SVOPL: variants seen among roughly 807,000 people sequenced by gnomAD.
SVOPL encodes putative transporter SVOPL.
In SVOPL, 60 loss-of-function variants were observed where a neutral mutation model predicts 61.0. The observed-to-expected ratio is 0.98, with a 90% confidence interval of 0.80 to 1.22. The LOEUF is 1.22. Ranked by LOEUF, SVOPL falls within the 50% of genes most tolerant of loss-of-function variation. SVOPL has a pLI of 0.00. For missense variants in SVOPL, 662 were observed against 643.9 expected (o/e 1.03, Z -0.30); for synonymous variants, 279 against 250.0 (o/e 1.12, Z -1.09).
In SVOPL at chr7:138,676,999, A is replaced by G. The variant is rs545803695; in HGVS notation, c.174+1435T>C. Among the ~76,000 whole-genome samples the G allele has an allele frequency of 8.5e-5, 12 of 140,792 alleles. No homozygotes were observed. In the South Asian group the frequency reaches 8.9e-4, roughly 10 times the overall value. The allele number at this position is 140,792 out of a possible 152,430, so 92.4% of individuals were successfully genotyped here. A position where few individuals can be genotyped will look rare whatever the true frequency, so the allele number is the denominator to read the frequency against. ...GCTCACTGCAACCTCCACCTCCCGG[A>G]TTCACGCCATTCTCCTGCCTCAGCC... is the stretch of plus-strand genomic sequence containing the variant. On this transcript the variant is annotated intron_variant, in intron 3 of 15. Transcript: ENST00000674285.
In SVOPL at chr7:138,662,873, G is replaced by C. The variant is rs997833643; in HGVS notation, c.345+201C>G. On this transcript the variant is annotated intron_variant, in intron 5 of 15. Coordinates refer to ENST00000674285, the MANE Select transcript of SVOPL (RefSeq NM_001139456.2). ...CCTTTTACTCCACACCTGGACTGCA[G>C]AGGAACAGCTGCAGGCACAGGTACC... The C allele has an allele frequency of 2.8e-6, 4 of 1,426,868 alleles. No homozygotes were observed. The Admixed American group carries it at 1.1e-4, about 41-fold the overall frequency. The allele number at this position is 1,426,868 out of a possible 1,614,324, so 88.4% of individuals were successfully genotyped here. A position where few individuals can be genotyped will look rare whatever the true frequency, so the allele number is the denominator to read the frequency against.
intron 13 of SVOPL, among the ~76,000 whole-genome samples, chr7:138,622,216 A>G (rs1584793758): frequency 6.4e-5 from 7 of 110,184 alleles, no homozygotes; most frequent in South Asian, 3.5e-4. Context: ...CTATCTATCT[A>G]TCTATGTATC....
At chr7:138,649,330 C>G (rs974991927) in intron 7 of SVOPL, among the ~76,000 whole-genome samples, 193 bp from the exon 8 acceptor site, 2 of 152,140 alleles carry the variant, frequency 1.3e-5, no homozygotes, top group Admixed American at 6.6e-5. Context: ...GGTCCACTCT[C>G]TCACCCAGGC....
chr7:138,668,563 G>T (rs1263246849), intron 4 of SVOPL, among the ~76,000 whole-genome samples: 1 of 152,100 alleles, frequency 6.6e-6, no homozygotes, highest in Non-Finnish European at 1.5e-5. Flanking sequence ...CATACAACTG[G>T]AATCCAAACT....
At chr7:138,700,452 C>T (rs1803166996) in intron 1 of SVOPL, among the ~76,000 whole-genome samples, 1 of 148,770 alleles carries the variant, frequency 6.7e-6, no homozygotes, top group Non-Finnish European at 1.5e-5. Flanking sequence ...GATTCTTCTG[C>T]CTCAGCCTCC....
Position 138,612,157 on chromosome 7 carries a change from CG to C in SVOPL, c.1353+8888del, listed in dbSNP as rs1373002686. On this transcript the variant is annotated intron_variant, in intron 14 of 15. Transcript: ENST00000674285. ...CACTCAGGGTTAAATGGATTAAGGG[CG>C]GTGCAAGATGTGCTTTGTTAAACAG... is the stretch of plus-strand genomic sequence containing the variant. 6.4e-5 allele frequency among the ~76,000 whole-genome samples: 2 copies of C among 31,274 alleles called. 1 individual carries two copies. Among genetic ancestry groups the C allele is most frequent in the Non-Finnish European group, 1.4e-4 (2 of 14,356 alleles). 20.5% of individuals were successfully genotyped at this position (31,274 alleles called of 152,430 possible). A position where few individuals can be genotyped will look rare whatever the true frequency, so the allele number is the denominator to read the frequency against.
At chr7:138,630,615 T>C (rs1437537365) in intron 9 of SVOPL, among the ~76,000 whole-genome samples, 1 of 152,202 alleles carries the variant, frequency 6.6e-6, no homozygotes, top group Non-Finnish European at 1.5e-5. Context: ...AAAGTTCTTG[T>C]CCATAGTACC....
At chr7:138,673,355 G>A (rs117805189) in intron 3 of SVOPL, among the ~76,000 whole-genome samples, 180 of 152,232 alleles carry the variant, frequency 1.2e-3, no homozygotes, top group South Asian at 5.0e-3. Flanking sequence ...AGAAGTAAGA[G>A]AGCATAATTA....
intron 9 of SVOPL, among the ~76,000 whole-genome samples, chr7:138,633,368 C>T (rs1030642663): frequency 6.6e-6 from 1 of 152,028 alleles, no homozygotes; most frequent in Non-Finnish European, 1.5e-5. Flanking sequence ...GGCTTGGTGC[C>T]CTCCCTGCAG....
intron 1 of SVOPL, among the ~76,000 whole-genome samples, chr7:138,685,459 A>G (rs920331155): frequency 6.6e-6 from 1 of 152,188 alleles, no homozygotes; most frequent in African/African-American, 2.4e-5. Context: ...ACAGGGAAGT[A>G]TTAGTCAAAG....
chr7:138,697,816 G>A (rs981885070), intron 1 of SVOPL, among the ~76,000 whole-genome samples: 9 of 151,324 alleles, frequency 5.9e-5, no homozygotes, highest in African/African-American at 9.7e-5. Flanking sequence ...GAAGAAGAGA[G>A]AAGAGAAGGA....
rs1212230856 is a variant in SVOPL at position 138,630,042 on chromosome 7, C to T, written c.863+7G>A. ...TAAAACTAGCTTTGAAATCATTACACTCTTACCATATGACCCAGATCTGTA... is the reference window on the plus strand; with the variant it reads ...TAAAACTAGCTTTGAAATCATTACATTCTTACCATATGACCCAGATCTGTA... On this transcript the variant is annotated splice_region_variant and intron_variant, in intron 10 of 15. Coordinates refer to ENST00000674285, the MANE Select transcript of SVOPL (RefSeq NM_001139456.2). The T allele has an allele frequency of 1.2e-6, 2 of 1,611,356 alleles. No homozygotes were observed. The highest frequency in any genetic ancestry group is 2.2e-5 in the South Asian group (2 of 90,930).
Position 138,613,111 on chromosome 7 carries a change from C to T in SVOPL, c.1353+7935G>A, listed in dbSNP as rs149838956. Among the ~76,000 whole-genome samples, 723 of 152,172 alleles carry T rather than the reference C, an allele frequency of 4.8e-3. 4 individuals carry two copies. Among genetic ancestry groups the T allele is most frequent in the African/African-American group, 0.017 (685 of 41,512 alleles). ...CCTGGCTCACTGTCACCTCTGTCCC[C>T]AGGGTTCCAGCGATTCTCCTGCCTC... On this transcript the variant is annotated intron_variant, in intron 14 of 15. Coordinates refer to ENST00000674285, the MANE Select transcript of SVOPL (RefSeq NM_001139456.2).
intron 14 of SVOPL, among the ~76,000 whole-genome samples, chr7:138,598,834 A>C (rs1798386916): frequency 6.6e-6 from 1 of 152,212 alleles, no homozygotes; most frequent in African/African-American, 2.4e-5. Flanking sequence ...TTATAACTCT[A>C]TTAAGTACAT....
intron 3 of SVOPL, among the ~76,000 whole-genome samples, chr7:138,672,641 GTT>G (rs11462058): frequency 2.9e-5 from 3 of 104,396 alleles, no homozygotes; most frequent in Non-Finnish European, 5.2e-5. Flanking sequence ...GCAGGAAAGT[GTT>G]TTTTTTTGTG....
chr7:138,655,548 A>T (rs1801683070), intron 7 of SVOPL, among the ~76,000 whole-genome samples: 1 of 151,102 alleles, frequency 6.6e-6, no homozygotes, highest in Non-Finnish European at 1.5e-5. Context: ...TTTATCCTCC[A>T]AGGTGATATA....
chr7:138,663,201 A>AC (rs1318323192), intron 4 of SVOPL, 56 bp from the exon 5 acceptor site: 1 of 1,580,438 alleles, frequency 6.3e-7, no homozygotes, highest in East Asian at 2.3e-5. Context: ...ATGTTACTTT[A>AC]CCCCGTTAGC....
intron 14 of SVOPL, among the ~76,000 whole-genome samples, chr7:138,610,427 T>C (rs897553413): frequency 2.6e-5 from 4 of 152,130 alleles, no homozygotes; most frequent in African/African-American, 9.7e-5. Flanking sequence ...AAAAATATAT[T>C]TTAAAAGCCT....
chr7:138,680,500 C>T (rs1008665592), intron 1 of SVOPL, among the ~76,000 whole-genome samples: 2 of 151,956 alleles, frequency 1.3e-5, no homozygotes, highest in African/African-American at 2.4e-5. Context: ...GGATTCTTAA[C>T]TCTAAAAGCC....
Sources: allele counts gnomAD v4.1 joint callset (sites outside exome capture counted in the v4.1 genomes callset), GRCh38; gene constraint gnomAD v4.1.1; transcripts MANE v1.5; gene names NCBI Gene and HGNC (gene_info 2026-07-23, HGNC 2026-07-21).